The following DNAH12 variants were observed in gnomAD, a reference collection of about 807,000 sequenced individuals.
The protein encoded by DNAH12 is dynein axonemal heavy chain 12.
DNAH12 carries 285 observed loss-of-function variants against 371.5 expected under a neutral mutation model. That is an observed-to-expected ratio of 0.77 (90% confidence interval 0.70 to 0.85). DNAH12 has a LOEUF of 0.85. Ranked by LOEUF, DNAH12 falls within the 40% of genes least tolerant of loss-of-function variation. DNAH12 has a pLI of 0.00. For synonymous variants in DNAH12, 1,200 were observed against 1,213.0 expected (o/e 0.99, Z 0.22); for missense variants, 3,611 against 3,689.4 (o/e 0.98, Z 0.55).
rs557798301 is a variant in DNAH12 at position 57,478,656 on chromosome 3, G to T, written c.1650+4720C>A. On this transcript the variant is annotated intron_variant, in intron 13 of 73. Coordinates refer to ENST00000495027, the MANE Select transcript of DNAH12 (RefSeq NM_001366028.2). ...CCAAAGTTGAAATGAAGGAAAAAATGTTAAGGGCAGCCAGAGAGAAAGGTT... is the reference window on the plus strand; with the variant it reads ...CCAAAGTTGAAATGAAGGAAAAAATTTTAAGGGCAGCCAGAGAGAAAGGTT... 3.3e-5 allele frequency among the ~76,000 whole-genome samples: 5 copies of T among 152,232 alleles called. No individual in the cohort carries two copies. The South Asian group carries it at 6.2e-4, about 19-fold the overall frequency.
At chr3:57,347,404 C>T (rs1027142771) in intron 60 of DNAH12, among the ~76,000 whole-genome samples, 1 of 152,026 alleles carries the variant, frequency 6.6e-6, no homozygotes, top group Non-Finnish European at 1.5e-5. Context: ...CCATATGATC[C>T]TATCAAAAGA....
chr3:57,336,005 G>A (rs994651264), intron 60 of DNAH12, among the ~76,000 whole-genome samples: 1 of 152,104 alleles, frequency 6.6e-6, no homozygotes, highest in African/African-American at 2.4e-5. Flanking sequence ...TTAAGAGATG[G>A]CGAACTGCTC....
At chr3:57,543,156 GGAATT>G (rs1349623697) in intron 1 of DNAH12, among the ~76,000 whole-genome samples, 1 of 151,986 alleles carries the variant, frequency 6.6e-6, no homozygotes, top group Non-Finnish European at 1.5e-5. Flanking sequence ...ATGAAACTAA[GGAATT>G]GAATTAGATG....
intron 39 of DNAH12, among the ~76,000 whole-genome samples, chr3:57,411,526 C>CAAAAAAAAAAAAAAA (rs57344840): frequency 1.8e-4 from 7 of 39,148 alleles, no homozygotes; most frequent in Admixed American, 3.8e-4. Flanking sequence ...GACACTGTCT[C>CAAAAAAAAAAAAAAA]AAAAAAAAAA....
At chr3:57,430,454 G>A (rs550590786) in intron 32 of DNAH12, among the ~76,000 whole-genome samples, 186 of 151,318 alleles carry the variant, frequency 1.2e-3, no homozygotes, top group Non-Finnish European at 2.3e-3. Flanking sequence ...TTTATTTAAA[G>A]CAAAATTCAA....
intron 2 of DNAH12, chr3:57,530,338 T>C (rs1304724768): frequency 2.2e-6 from 1 of 458,270 alleles, no homozygotes; most frequent in Non-Finnish European, 4.0e-6. Context: ...ACAGAAAGGA[T>C]GAGGATTTAT....
At chr3:57,358,204 G>A (rs1186132152) in intron 58 of DNAH12, among the ~76,000 whole-genome samples, 4 of 152,144 alleles carry the variant, frequency 2.6e-5, no homozygotes, top group African/African-American at 7.2e-5. Context: ...TTTCCCTGGA[G>A]AATTAAAACT....
chr3:57,447,964 C>T (rs1289012847), intron 25 of DNAH12, among the ~76,000 whole-genome samples: 1 of 152,168 alleles, frequency 6.6e-6, no homozygotes, highest in Admixed American at 6.5e-5. Flanking sequence ...CATGAGCTAC[C>T]ACACCTGGCC....
intron 19 of DNAH12, 50 bp from the exon 20 acceptor site, chr3:57,459,836 TAA>T: frequency 1.6e-6 from 2 of 1,254,966 alleles, no homozygotes; most frequent in Non-Finnish European, 2.0e-6. Flanking sequence ...AGAAAGGCTA[TAA>T]ATTATAGCAA....
rs7629743 is a variant in DNAH12 at position 57,508,392 on chromosome 3, T to C, written c.691A>G (p.Thr231Ala). ...TFADTVLLDF[T>A]GIRAKGPIDC... ...TAAACGGGATTTTACCTAATTCCTG[T>C]GAAGTCCAACAAAACTGTATCAGCA... Residue 231 changes from threonine to alanine, a missense_variant, in exon 7 of 74, where the codon ACA (threonine) becomes GCA (alanine). Physicochemically the swap from Thr to Ala is moderately conservative, Grantham distance 58. This residue lies in a region of DNAH12 where 1,314 missense variants were observed against 1,398.7 expected (regional missense o/e 0.94). Transcript: ENST00000495027. 4,066 of 1,602,694 alleles carry C rather than the reference T, an allele frequency of 2.5e-3. 115 individuals are homozygous for C. In the African/African-American group the frequency reaches 0.047, roughly 19 times the overall value.
At chr3:57,546,962 G>C (rs893465715), upstream of DNAH12, among the ~76,000 whole-genome samples, 5 of 151,804 alleles carry the variant, frequency 3.3e-5, no homozygotes, top group Non-Finnish European at 7.4e-5. Flanking sequence ...TGGGCAACAT[G>C]GTGTAACTCT....
intron 65 of DNAH12, among the ~76,000 whole-genome samples, chr3:57,320,773 A>T (rs2061787213): frequency 6.6e-6 from 1 of 152,170 alleles, no homozygotes; most frequent in Non-Finnish European, 1.5e-5. Flanking sequence ...ACCCAGCAAG[A>T]TGTGTTTGAA....
chr3:57,470,856 A>G (rs1352301030), intron 15 of DNAH12, among the ~76,000 whole-genome samples: 1 of 152,012 alleles, frequency 6.6e-6, no homozygotes, highest in Admixed American at 6.6e-5. Context: ...ACAGATGCGG[A>G]CCACCACACC....
intron 8 of DNAH12, among the ~76,000 whole-genome samples, chr3:57,505,046 C>A (rs1369874005): frequency 6.6e-6 from 1 of 152,070 alleles, no homozygotes; most frequent in African/African-American, 2.4e-5. Context: ...AGCTACCACG[C>A]CTGGCTAATT....
intron 33 of DNAH12, among the ~76,000 whole-genome samples, 165 bp from the exon 34 acceptor site, chr3:57,428,986 G>A (rs914109597): frequency 1.3e-5 from 2 of 152,116 alleles, no homozygotes; most frequent in Non-Finnish European, 2.9e-5. Context: ...AAAACTATTT[G>A]CAGTTCAGTT....
chr3:57,529,533 AT>A (rs1265676584), intron 2 of DNAH12, among the ~76,000 whole-genome samples: 1 of 152,184 alleles, frequency 6.6e-6, no homozygotes, highest in Non-Finnish European at 1.5e-5. Flanking sequence ...ACAGTTGCTC[AT>A]CATAGCCACT....
intron 40 of DNAH12, among the ~76,000 whole-genome samples, chr3:57,406,470 T>C (rs2064033330): frequency 6.6e-6 from 1 of 152,182 alleles, no homozygotes; most frequent in South Asian, 2.1e-4. Context: ...CAGGCATTAT[T>C]AACTTGAGGG....
chr3:57,438,800 A>G (rs1156239939), intron 29 of DNAH12, among the ~76,000 whole-genome samples: 3 of 151,406 alleles, frequency 2.0e-5, no homozygotes, highest in African/African-American at 7.3e-5. Flanking sequence ...TAAAAATACA[A>G]AACTATCTGG....
intron 65 of DNAH12, among the ~76,000 whole-genome samples, chr3:57,316,461 T>C (rs961463822): frequency 6.6e-6 from 1 of 152,172 alleles, no homozygotes; most frequent in Non-Finnish European, 1.5e-5. Context: ...ATTTCTTCCA[T>C]GAAGCTTTTT....
Sources: allele counts gnomAD v4.1 joint callset (sites outside exome capture counted in the v4.1 genomes callset), GRCh38; gene constraint gnomAD v4.1.1; regional missense constraint gnomAD v4.1.1; transcripts MANE v1.5; gene names NCBI Gene and HGNC (gene_info 2026-07-23, HGNC 2026-07-21).